The following RIMBP2 variants were observed in gnomAD, a reference collection of about 807,000 sequenced individuals.
RIMBP2 encodes RIMS-binding protein 2.
Under a neutral mutation model 118.6 loss-of-function variants are expected in RIMBP2, and 48 were observed. That is an observed-to-expected ratio of 0.40 (90% confidence interval 0.32 to 0.51). RIMBP2 has a LOEUF of 0.51. Among genes scored for constraint, RIMBP2 ranks in the 20% least tolerant of loss-of-function variants. RIMBP2 has a pLI of 0.41. For synonymous variants in RIMBP2, 762 were observed against 742.9 expected (o/e 1.03, Z -0.42); for missense variants, 1,551 against 1,768.3 (o/e 0.88, Z 2.20).
chr12:130,473,220 G>A (rs561515522), intron 5 of RIMBP2, among the ~76,000 whole-genome samples: 65 of 152,332 alleles, frequency 4.3e-4, no homozygotes, highest in Non-Finnish European at 7.5e-4. Context: ...AATTGGCAGC[G>A]CTGAATTCTT....
At chr12:130,657,828 G>A (rs1383170102) in intron 1 of RIMBP2, 1 of 152,324 alleles carries the variant, frequency 6.6e-6, no homozygotes, top group Non-Finnish European at 1.5e-5. Context: ...TTCAGTGTGC[G>A]ATCCCCAACC....
At position 130,523,974 on chromosome 12, in the gene RIMBP2, A is replaced by T. The variant is rs1362332756; in HGVS notation, c.-216-6057T>A. Among the ~76,000 whole-genome samples, 1 of 152,180 alleles carries T rather than the reference A, an allele frequency of 6.6e-6. No homozygotes were observed. The highest frequency in any genetic ancestry group is 1.5e-5 in the Non-Finnish European group (1 of 68,032). ...CTCTGGCTCTCAGGATCTGGTATCC[A>T]CGCTACAGGATTCAAAACCATGAAC... is the stretch of plus-strand genomic sequence containing the variant. On this transcript the variant is annotated intron_variant, in intron 2 of 22. Coordinates refer to ENST00000690449, the MANE Select transcript of RIMBP2 (RefSeq NM_001393629.1). The surrounding 1 kb of genome is among the most constrained non-coding windows in gnomAD (Gnocchi z 4.4).
intron 7 of RIMBP2, among the ~76,000 whole-genome samples, chr12:130,452,149 C>G (rs995770554): frequency 2.6e-5 from 4 of 152,190 alleles, no homozygotes; most frequent in Non-Finnish European, 5.9e-5. Context: ...TTCCCAAGCT[C>G]TCCGCTGCTG....
At chr12:130,458,300 G>A (rs984915288) in intron 6 of RIMBP2, among the ~76,000 whole-genome samples, 14 of 152,252 alleles carry the variant, frequency 9.2e-5, no homozygotes, top group African/African-American at 1.7e-4. Flanking sequence ...TGGCCAAGCC[G>A]GCTGTGTCTA....
At chr12:130,713,309 C>T (rs1950098243) in intron 1 of RIMBP2, among the ~76,000 whole-genome samples, 1 of 150,332 alleles carries the variant, frequency 6.7e-6, no homozygotes, top group Admixed American at 6.6e-5. Context: ...CCTTTGCACA[C>T]AAGGGTGGTG....
chr12:130,567,084 G>A (rs1248345949), intron 2 of RIMBP2, among the ~76,000 whole-genome samples: 1 of 152,174 alleles, frequency 6.6e-6, no homozygotes, highest in Non-Finnish European at 1.5e-5. Flanking sequence ...AAAAAGCTCT[G>A]ACCAGACCAA....
At chr12:130,432,742 T>C (rs1193151392) in intron 14 of RIMBP2, among the ~76,000 whole-genome samples, 3 of 152,210 alleles carry the variant, frequency 2.0e-5, no homozygotes, top group African/African-American at 7.2e-5. Flanking sequence ...GCCTCGGCCC[T>C]GGACTTCCAG....
rs931338165 is a variant in RIMBP2 at position 130,523,653 on chromosome 12, T to C, written c.-216-5736A>G. Among the ~76,000 whole-genome samples the C allele has an allele frequency of 1.3e-5, 2 of 152,168 alleles. No homozygotes were observed. Among genetic ancestry groups the C allele is most frequent in the African/African-American group, 2.4e-5 (1 of 41,442 alleles). On this transcript the variant is annotated intron_variant, in intron 2 of 22. Transcript: ENST00000690449. This position sits in a 1 kb window ranked among gnomAD's most constrained non-coding sequence, Gnocchi z 4.4. ...AAAGCACGTTCTTTCAATAAACTTGTCAATTTTATTCATTTCAATAATCCC... is the reference window on the plus strand; with the variant it reads ...AAAGCACGTTCTTTCAATAAACTTGCCAATTTTATTCATTTCAATAATCCC...
intron 1 of RIMBP2, among the ~76,000 whole-genome samples, chr12:130,644,428 A>G (rs1369981677): frequency 2.0e-5 from 3 of 152,178 alleles, no homozygotes; most frequent in Non-Finnish European, 4.4e-5. Context: ...ACAATCGCAC[A>G]TCGATCTGGA....
At chr12:130,712,135 G>A (rs1009448930) in intron 1 of RIMBP2, among the ~76,000 whole-genome samples, 1 of 152,238 alleles carries the variant, frequency 6.6e-6, no homozygotes, top group Non-Finnish European at 1.5e-5. Flanking sequence ...AGGAGTGGAC[G>A]TGAGGGCCCA....
At chr12:130,589,192 C>T (rs1049907785) in intron 2 of RIMBP2, among the ~76,000 whole-genome samples, 6 of 152,202 alleles carry the variant, frequency 3.9e-5, no homozygotes, top group African/African-American at 1.4e-4. Context: ...CCTGGCAGGG[C>T]TGTCAACCCA....
chr12:130,657,217 C>A (rs2063468102), intron 1 of RIMBP2, among the ~76,000 whole-genome samples: 1 of 152,168 alleles, frequency 6.6e-6, no homozygotes, highest in African/African-American at 2.4e-5. Context: ...CCTTAAAGAA[C>A]ACTAGTCATA....
At chr12:130,432,903 C>T (rs2077240761) in intron 14 of RIMBP2, among the ~76,000 whole-genome samples, 1 of 152,212 alleles carries the variant, frequency 6.6e-6, no homozygotes, top group South Asian at 2.1e-4. Flanking sequence ...AAGGAATCAT[C>T]TGTGACCCAA....
intron 2 of RIMBP2, among the ~76,000 whole-genome samples, chr12:130,520,198 G>A (rs1372526071): frequency 1.3e-5 from 2 of 152,154 alleles, no homozygotes; most frequent in Non-Finnish European, 2.9e-5. Context: ...TTCAAGGTCA[G>A]TTGCTTATCC....
At chr12:130,673,411 C>T (rs1490408941) in intron 1 of RIMBP2, among the ~76,000 whole-genome samples, 3 of 152,194 alleles carry the variant, frequency 2.0e-5, no homozygotes, top group Non-Finnish European at 2.9e-5. Flanking sequence ...GGAGCTGTAG[C>T]GAAGGAGGCT....
chr12:130,641,117 A>G (rs2062598667), intron 1 of RIMBP2, among the ~76,000 whole-genome samples: 1 of 152,166 alleles, frequency 6.6e-6, no homozygotes, highest in Non-Finnish European at 1.5e-5. Flanking sequence ...GAATGCCAGC[A>G]CAGTGCTCTA....
At chr12:130,500,584 C>T (rs78243104) in intron 4 of RIMBP2, among the ~76,000 whole-genome samples, 5,073 of 151,868 alleles carry the variant, frequency 0.033, 172 homozygotes, top group African/African-American at 0.086. Context: ...TTAAGACAGG[C>T]GGCACATCAG....
chr12:130,457,835 C>T (rs895723506), intron 6 of RIMBP2, among the ~76,000 whole-genome samples: 14 of 152,302 alleles, frequency 9.2e-5, no homozygotes, highest in African/African-American at 3.1e-4. Context: ...CTGTGGGCAC[C>T]GTGCTCCTCG....
chr12:130,451,949 C>T (rs980988068), intron 7 of RIMBP2, among the ~76,000 whole-genome samples: 4 of 152,170 alleles, frequency 2.6e-5, no homozygotes, highest in Non-Finnish European at 5.9e-5. Context: ...ATACTCTTGA[C>T]GAGAGATTTG....
Sources: gnomAD v4.1 joint callset for allele counts (sites outside exome capture counted in the v4.1 genomes callset) on GRCh38, gnomAD v4.1.1 for gene constraint, Gnocchi (gnomAD v3.1) non-coding constraint, MANE v1.5 for transcripts, NCBI Gene and HGNC (gene_info 2026-07-23, HGNC 2026-07-21) for gene names.